PSD2: variants seen among roughly 807,000 people sequenced by gnomAD.
The protein encoded by PSD2 is pleckstrin and Sec7 domain containing 2.
PSD2 carries 38 observed loss-of-function variants against 69.8 expected under a neutral mutation model. That is an observed-to-expected ratio of 0.54 (90% CI 0.42 to 0.71). The LOEUF (loss-of-function observed/expected upper bound fraction) is 0.71, where lower values mean the gene tolerates loss of function less well. Among genes scored for constraint, PSD2 ranks in the 30% least tolerant of loss-of-function variants. The probability of loss-of-function intolerance (pLI) is 0.00; values close to 1 mark genes in which losing one functional copy is unlikely to be tolerated. For missense variants in PSD2, 943 were observed against 1,014.5 expected, an observed-to-expected ratio of 0.93 and a Z score of 0.96; for synonymous variants, 412 against 423.0, an observed-to-expected ratio of 0.97 and a Z score of 0.32.
the PSD2 span, among the ~76,000 whole-genome samples, chr5:139,759,437 C>T: frequency 2.0e-5 from 3 of 152,100 alleles, no homozygotes; most frequent in East Asian, 3.9e-4. Context: ...CGGGACGCAC[C>T]GTATATCATG....
At chr5:139,836,164 G>A (rs1428284392) in intron 9 of PSD2, among the ~76,000 whole-genome samples, 1 of 152,246 alleles carries the variant, frequency 6.6e-6, no homozygotes, top group Non-Finnish European at 1.5e-5. Context: ...GTTATTGACA[G>A]TGGGAAGGGG....
intron 7 of PSD2, 64 bp downstream of exon 7, chr5:139,822,848 C>T (rs939101565): frequency 1.8e-5 from 25 of 1,409,602 alleles, no homozygotes; most frequent in East Asian, 5.0e-5. Flanking sequence ...GTGTTGATCC[C>T]GGCCCCTTCC....
At chr5:139,810,209 G>T (rs1759924718) in intron 2 of PSD2, among the ~76,000 whole-genome samples, 1 of 152,166 alleles carries the variant, frequency 6.6e-6, no homozygotes, top group Non-Finnish European at 1.5e-5. Context: ...CAGGAAAGCC[G>T]GCTTTAGGCT....
chr5:139,816,465 T>C (rs962022346), intron 4 of PSD2, among the ~76,000 whole-genome samples: 1 of 152,200 alleles, frequency 6.6e-6, no homozygotes, highest in Admixed American at 6.5e-5. Flanking sequence ...TTAAGTGCCG[T>C]GTATTTGTTG....
At chr5:139,817,076 C>T (rs552536076) in intron 4 of PSD2, among the ~76,000 whole-genome samples, 1 of 152,244 alleles carries the variant, frequency 6.6e-6, no homozygotes, top group Admixed American at 6.5e-5. Context: ...ACCATCCCTG[C>T]TTTAACCTTT....
At chr5:139,759,279 C>G in the PSD2 span, among the ~76,000 whole-genome samples, 1 of 152,064 alleles carries the variant, frequency 6.6e-6, no homozygotes, top group Non-Finnish European at 1.5e-5. Flanking sequence ...CAATTTTCTT[C>G]CTAATTGCCA....
chr5:139,804,868 C>CGT (rs1261442410), intron 1 of PSD2, among the ~76,000 whole-genome samples: 2 of 151,392 alleles, frequency 1.3e-5, no homozygotes, highest in South Asian at 2.1e-4. Flanking sequence ...TGTGTGTGTG[C>CGT]GTGTGTGTGT....
chr5:139,792,499 C>A (rs1377139856), upstream of PSD2, among the ~76,000 whole-genome samples: 2 of 152,100 alleles, frequency 1.3e-5, no homozygotes, highest in African/African-American at 2.4e-5. Flanking sequence ...GGGAAAAGGC[C>A]CCTCCATGTG....
chr5:139,774,446 A>G, the PSD2 span, among the ~76,000 whole-genome samples: 4 of 152,186 alleles, frequency 2.6e-5, no homozygotes, highest in Non-Finnish European at 5.9e-5. Context: ...AGAGGTGGGC[A>G]GGGCTGGCCG....
At chr5:139,801,316 A>AT (rs1207655385) in intron 1 of PSD2, among the ~76,000 whole-genome samples, 1 of 151,874 alleles carries the variant, frequency 6.6e-6, no homozygotes, top group Non-Finnish European at 1.5e-5. Context: ...CTCTACTCTT[A>AT]TGGGGCTCCA....
At chr5:139,812,758 T>A (rs1013608341) in intron 2 of PSD2, among the ~76,000 whole-genome samples, 75 of 152,216 alleles carry the variant, frequency 4.9e-4, no homozygotes, top group Non-Finnish European at 8.2e-4. Flanking sequence ...AAGAGCAAAA[T>A]TATGACCCAG....
the PSD2 span, among the ~76,000 whole-genome samples, chr5:139,780,038 C>T: frequency 2.0e-4 from 31 of 152,246 alleles, no homozygotes; most frequent in Middle Eastern, 6.8e-3. Flanking sequence ...CTTGGGGACT[C>T]GAGTGGAAAT....
the PSD2 span, among the ~76,000 whole-genome samples, chr5:139,769,842 G>A: frequency 6.6e-6 from 1 of 152,270 alleles, no homozygotes; most frequent in African/African-American, 2.4e-5. Context: ...TTGCGGTGAG[G>A]GTGGAGGTGG....
At chr5:139,776,008 C>T in the PSD2 span, among the ~76,000 whole-genome samples, 6 of 152,320 alleles carry the variant, frequency 3.9e-5, no homozygotes, top group South Asian at 1.0e-3. Context: ...CCCCACCACA[C>T]TCTGCCTCAT....
At chr5:139,830,626 C>CTCTTTCTT (rs56225945) in intron 7 of PSD2, among the ~76,000 whole-genome samples, 10,542 of 97,564 alleles carry the variant, frequency 0.11, 658 homozygotes, top group Admixed American at 0.16. Flanking sequence ...TTCTTTCTTT[C>CTCTTTCTT]TCTTTCTTTC....
In PSD2 at chr5:139,809,378, C is replaced by T. The variant is rs1759891524; in HGVS notation, c.-50-13C>T. ...CTGTCTGACCAGTTCTTCCTCTCTCCACCCACTGCCAGGTCTAGAGGAGTC... is the reference window on the plus strand; with the variant it reads ...CTGTCTGACCAGTTCTTCCTCTCTCTACCCACTGCCAGGTCTAGAGGAGTC... On this transcript the variant is annotated splice_polypyrimidine_tract_variant and intron_variant, in intron 1 of 14. Coordinates refer to ENST00000274710, the MANE Select transcript of PSD2 (RefSeq NM_032289.4). The T allele has an allele frequency of 7.1e-6, 11 of 1,551,226 alleles. No individual in the cohort carries two copies. The South Asian group carries it at 1.3e-4, about 19-fold the overall frequency.
At chr5:139,774,692 A>C in the PSD2 span, among the ~76,000 whole-genome samples, 1 of 152,134 alleles carries the variant, frequency 6.6e-6, no homozygotes, top group South Asian at 2.1e-4. Flanking sequence ...GGGTTTCACC[A>C]TGTTGGTCAG....
intron 4 of PSD2, among the ~76,000 whole-genome samples, chr5:139,816,217 C>A (rs540714870): frequency 3.9e-5 from 6 of 152,248 alleles, no homozygotes; most frequent in Admixed American, 3.9e-4. Context: ...GTATCTCCAA[C>A]TGATAAGGAT....
intron 7 of PSD2, among the ~76,000 whole-genome samples, chr5:139,830,570 C>CTTTCTTTCTTTCTTTCTT (rs1760556170): frequency 7.5e-6 from 1 of 133,430 alleles, no homozygotes; most frequent in Non-Finnish European, 1.6e-5. Context: ...TCCTTCCTTT[C>CTTTCTTTCTTTCTTTCTT]TTTCTTTCTT....
Sources: gnomAD v4.1 joint callset for allele counts (sites outside exome capture counted in the v4.1 genomes callset) on GRCh38, gnomAD v4.1.1 for gene constraint, MANE v1.5 for transcripts, NCBI Gene and HGNC (gene_info 2026-07-23, HGNC 2026-07-21) for gene names.